The following EDIL3 variants were observed in gnomAD, a reference collection of about 807,000 sequenced individuals.
EDIL3 encodes EGF-like repeat and discoidin I-like domain-containing protein 3.
EDIL3 carries 37 observed loss-of-function variants against 67.4 expected under a neutral mutation model. That is an observed-to-expected ratio of 0.55 (90% CI 0.42 to 0.72). EDIL3 has a LOEUF of 0.72. Among genes scored for constraint, EDIL3 ranks in the 30% least tolerant of loss-of-function variants. EDIL3 has a pLI of 0.00. For synonymous variants in EDIL3, 195 were observed against 196.3 expected (o/e 0.99, Z 0.05); for missense variants, 527 against 586.3 (o/e 0.90, Z 1.04).
At chr5:84,043,152 C>T (rs1746161779) in intron 9 of EDIL3, among the ~76,000 whole-genome samples, 1 of 152,168 alleles carries the variant, frequency 6.6e-6, no homozygotes. Flanking sequence ...ACTTGAGTGA[C>T]AAATAAGTAT....
At chr5:84,115,003 C>T (rs1747639562) in intron 5 of EDIL3, among the ~76,000 whole-genome samples, 1 of 152,150 alleles carries the variant, frequency 6.6e-6, no homozygotes, top group Non-Finnish European at 1.5e-5. Context: ...ACAGTGCTTA[C>T]AAATGGGCAG....
At chr5:83,943,988 G>T (rs948219595) in intron 10 of EDIL3, among the ~76,000 whole-genome samples, 1 of 151,994 alleles carries the variant, frequency 6.6e-6, no homozygotes, top group Non-Finnish European at 1.5e-5. Flanking sequence ...CATTCACAAG[G>T]GGCAAGGGGA....
chr5:84,380,595 C>G (rs918369322), intron 1 of EDIL3, among the ~76,000 whole-genome samples: 1 of 152,020 alleles, frequency 6.6e-6, no homozygotes, highest in South Asian at 2.1e-4. Flanking sequence ...CAGTAAACAA[C>G]AAATATCAGA....
intron 9 of EDIL3, among the ~76,000 whole-genome samples, chr5:84,042,578 G>A (rs1422114992): frequency 1.3e-5 from 2 of 152,080 alleles, no homozygotes; most frequent in Non-Finnish European, 2.9e-5. Flanking sequence ...CACTGCTCCT[G>A]GCCTGACACT....
chr5:84,014,822 T>C (rs757349267), intron 9 of EDIL3, among the ~76,000 whole-genome samples: 1 of 152,198 alleles, frequency 6.6e-6, no homozygotes, highest in African/African-American at 2.4e-5. Flanking sequence ...TAATTCTTTG[T>C]ATCTTAAAGG....
chr5:84,211,474 A>G (rs1744116213), intron 3 of EDIL3, among the ~76,000 whole-genome samples: 1 of 152,186 alleles, frequency 6.6e-6, no homozygotes, highest in Non-Finnish European at 1.5e-5. Flanking sequence ...ATTTCTTTAC[A>G]GCAACACAAA....
chr5:84,192,705 C>T (rs1056702137), intron 3 of EDIL3, among the ~76,000 whole-genome samples: 1 of 151,924 alleles, frequency 6.6e-6, no homozygotes, highest in Non-Finnish European at 1.5e-5. Flanking sequence ...ACCAGGGTTA[C>T]AAAGGTGAAC....
intron 10 of EDIL3, among the ~76,000 whole-genome samples, chr5:83,948,860 G>T (rs1458654773): frequency 1.3e-5 from 2 of 151,638 alleles, no homozygotes; most frequent in Non-Finnish European, 2.9e-5. Context: ...TGATTGAATG[G>T]CTAGTATATT....
chr5:84,326,516 AAAATGG>A (rs80055231), intron 1 of EDIL3, among the ~76,000 whole-genome samples: 53,334 of 151,282 alleles, frequency 0.35, 10,514 homozygotes, highest in South Asian at 0.49. Context: ...CCTACACTTA[AAAATGG>A]TTAGGATGGT....
chr5:83,969,149 T>C (rs1293565398), intron 9 of EDIL3, among the ~76,000 whole-genome samples: 1 of 151,764 alleles, frequency 6.6e-6, no homozygotes, highest in Non-Finnish European at 1.5e-5. Flanking sequence ...GTTATTAAAA[T>C]ATTTTTATAT....
At chr5:84,257,017 C>T (rs1745135142) in intron 1 of EDIL3, among the ~76,000 whole-genome samples, 1 of 152,148 alleles carries the variant, frequency 6.6e-6, no homozygotes, top group Non-Finnish European at 1.5e-5. Flanking sequence ...TACATATTTA[C>T]CTAAAAATAA....
intron 6 of EDIL3, among the ~76,000 whole-genome samples, chr5:84,089,086 T>G (rs1747120631): frequency 6.6e-6 from 1 of 152,292 alleles, no homozygotes; most frequent in African/African-American, 2.4e-5. Flanking sequence ...AAGATGAAAC[T>G]TCATTTAGAA....
intron 3 of EDIL3, among the ~76,000 whole-genome samples, chr5:84,214,010 C>A (rs535358018): frequency 1.3e-5 from 2 of 152,288 alleles, no homozygotes; most frequent in South Asian, 4.1e-4. Context: ...CCAGTGCTGT[C>A]CTCTGAGCCA....
intron 1 of EDIL3, among the ~76,000 whole-genome samples, chr5:84,258,181 G>C (rs567069929): frequency 5.3e-5 from 8 of 152,248 alleles, no homozygotes; most frequent in Admixed American, 4.6e-4. Context: ...AATCAGATGG[G>C]TTCTCCAAGA....
intron 9 of EDIL3, among the ~76,000 whole-genome samples, chr5:84,054,067 C>A (rs1404614423): frequency 1.3e-5 from 2 of 152,268 alleles, no homozygotes; most frequent in East Asian, 3.9e-4. Context: ...CAATAAAATA[C>A]TGGCAAACCA....
intron 4 of EDIL3, among the ~76,000 whole-genome samples, chr5:84,150,925 A>C (rs1392084407): frequency 6.6e-6 from 1 of 152,134 alleles, no homozygotes; most frequent in African/African-American, 2.4e-5. Flanking sequence ...CAAAAATAAT[A>C]TACAGTGTCT....
intron 9 of EDIL3, among the ~76,000 whole-genome samples, chr5:83,968,272 A>G (rs537996934): frequency 2.0e-5 from 3 of 152,050 alleles, no homozygotes; most frequent in Non-Finnish European, 4.4e-5. Flanking sequence ...TCTAGTTCTG[A>G]TCTAAAGTTT....
At position 84,319,494 on chromosome 5, in the gene EDIL3, CAAAAAAAAAAAAAAA is replaced by C. The variant is rs55738450; in HGVS notation, c.67+64799_67+64813del. On this transcript the variant is annotated intron_variant, in intron 1 of 10. Transcript: ENST00000296591. ...AAAAAAAACAAAAAACAAAAAACAACAAAAAAAAAAAAAAAAAAAAAAAAAAAAAGAAATAGGAAT... is the reference window on the plus strand; with the variant it reads ...AAAAAAAACAAAAAACAAAAAACAACAAAAAAAAAAAAAAGAAATAGGAAT... Among the ~76,000 whole-genome samples the C allele has an allele frequency of 7.0e-5, 3 of 42,832 alleles. 1 individual carries two copies. The South Asian group carries it at 4.1e-3, about 58-fold the overall frequency. 28.1% of individuals were successfully genotyped at this position (42,832 alleles called of 152,430 possible).
At chr5:84,257,883 A>G (rs1745149151) in intron 1 of EDIL3, among the ~76,000 whole-genome samples, 1 of 152,166 alleles carries the variant, frequency 6.6e-6, no homozygotes, top group Non-Finnish European at 1.5e-5. Flanking sequence ...GCATACCAAC[A>G]AATAAGTGAG....
Sources: gnomAD v4.1 joint callset for allele counts (sites outside exome capture counted in the v4.1 genomes callset) on GRCh38, gnomAD v4.1.1 for gene constraint, MANE v1.5 for transcripts, NCBI Gene and HGNC (gene_info 2026-07-23, HGNC 2026-07-21) for gene names.